The following ABI3BP variants were observed in gnomAD, a reference collection of about 807,000 sequenced individuals.
ABI3BP encodes ABI family member 3 binding protein.
In ABI3BP, 216 loss-of-function variants were observed where a neutral mutation model predicts 268.6. The observed-to-expected ratio is 0.80, with a 90% CI of 0.72 to 0.90. The LOEUF is 0.90. ABI3BP is among the 40% of genes least tolerant of loss of function. The pLI is 0.00. For synonymous variants in ABI3BP, 730 were observed against 730.0 expected, an observed-to-expected ratio of 1.00 and a Z score of 0.00; for missense variants, 2,090 against 2,182.4, an observed-to-expected ratio of 0.96 and a Z score of 0.84.
chr3:100,790,032 A>G (rs191894417), intron 55 of ABI3BP, among the ~76,000 whole-genome samples: 5 of 152,056 alleles, frequency 3.3e-5, no homozygotes, highest in African/African-American at 4.8e-5. Flanking sequence ...ACCTGAAACA[A>G]GTAAGTATTC....
intron 14 of ABI3BP, among the ~76,000 whole-genome samples, chr3:100,856,470 A>T (rs1361135242): frequency 1.3e-5 from 2 of 152,202 alleles, no homozygotes; most frequent in Non-Finnish European, 2.9e-5. Context: ...AAGTCTCTAC[A>T]AGATAACTGT....
At chr3:100,977,872 T>C (rs1024873416) in intron 1 of ABI3BP, among the ~76,000 whole-genome samples, 7 of 152,164 alleles carry the variant, frequency 4.6e-5, no homozygotes, top group South Asian at 4.1e-4. Context: ...ACATCTTAGT[T>C]ACAAAGTATG....
At position 100,826,127 on chromosome 3, in the gene ABI3BP, A is replaced by G. The variant is rs184062741; in HGVS notation, c.2603-283T>C. ...AACAGGACTGATGGACTCATATGAA[A>G]GAGAGACATGAGCTGCACACACAGA... On this transcript the variant is annotated intron_variant, in intron 34 of 67. Transcript: ENST00000471714. Among the ~76,000 whole-genome samples, 431 of 145,528 alleles carry G rather than the reference A, an allele frequency of 3.0e-3. 4 individuals are homozygous for G. The highest frequency in any genetic ancestry group is 9.9e-3 in the African/African-American group (407 of 41,202).
intron 6 of ABI3BP, among the ~76,000 whole-genome samples, chr3:100,884,738 G>GACAGC (rs2041083773): frequency 6.6e-6 from 1 of 151,046 alleles, no homozygotes; most frequent in Non-Finnish European, 1.5e-5. Context: ...AATATCTAGG[G>GACAGC]ACCAAATTCC....
At position 100,838,537 on chromosome 3, in the gene ABI3BP, G is replaced by A. The variant is rs1183222021; in HGVS notation, c.1946-73C>T. ...TGTCAAAATTAAGGACAATTATGCA[G>A]AACAAAGACACTATATAAATTCAAC... On this transcript the variant is annotated intron_variant, in intron 24 of 67. Coordinates refer to ENST00000471714, the MANE Select transcript of ABI3BP (RefSeq NM_001375547.2). The A allele has an allele frequency of 4.2e-6, 5 of 1,199,424 alleles. No homozygotes were observed. The East Asian group carries it at 1.3e-4, about 31-fold the overall frequency. The allele number at this position is 1,199,424 out of a possible 1,614,324, so 74.3% of individuals were successfully genotyped here.
chr3:100,985,434 C>T (rs982190979), intron 1 of ABI3BP, among the ~76,000 whole-genome samples: 2 of 152,176 alleles, frequency 1.3e-5, no homozygotes, highest in Non-Finnish European at 2.9e-5. Flanking sequence ...CAGGCATGAG[C>T]CACCATGCCT....
chr3:100,817,081 A>C (rs1007977052), intron 42 of ABI3BP, among the ~76,000 whole-genome samples: 13 of 152,168 alleles, frequency 8.5e-5, no homozygotes, highest in African/African-American at 2.7e-4. Context: ...ATACCATAAG[A>C]ACTGTTAGAG....
At chr3:100,786,986 G>T (rs1181505107) in intron 57 of ABI3BP, among the ~76,000 whole-genome samples, 1 of 151,962 alleles carries the variant, frequency 6.6e-6, no homozygotes. Flanking sequence ...GGGTTCATCA[G>T]ATATATATAC....
At chr3:100,761,051 C>T (rs1434689589) in intron 63 of ABI3BP, among the ~76,000 whole-genome samples, 1 of 152,094 alleles carries the variant, frequency 6.6e-6, no homozygotes, top group Non-Finnish European at 1.5e-5. Context: ...TCAGTGGACC[C>T]CAGTGTCTGC....
chr3:100,786,990 T>C (rs1056474991), intron 57 of ABI3BP, among the ~76,000 whole-genome samples: 1 of 152,152 alleles, frequency 6.6e-6, no homozygotes, highest in Non-Finnish European at 1.5e-5. Flanking sequence ...TCATCAGATA[T>C]ATATACATTA....
chr3:100,766,530 G>A (rs1475434658), intron 62 of ABI3BP, among the ~76,000 whole-genome samples: 1 of 152,140 alleles, frequency 6.6e-6, no homozygotes, highest in Non-Finnish European at 1.5e-5. Flanking sequence ...TGTACTCGCT[G>A]CCTACATAAG....
At chr3:100,949,145 T>C (rs879902589) in intron 1 of ABI3BP, among the ~76,000 whole-genome samples, 4 of 152,204 alleles carry the variant, frequency 2.6e-5, no homozygotes, top group Admixed American at 2.0e-4. Context: ...ACTACTGTCT[T>C]TCAATTAATT....
At position 100,816,099 on chromosome 3, in the gene ABI3BP, G is replaced by C. The variant is rs1024734682; in HGVS notation, c.3230-128C>G. 4 of 672,476 alleles carry C rather than the reference G, an allele frequency of 5.9e-6. No homozygotes were observed. In the African/African-American group the frequency reaches 7.3e-5, roughly 12 times the overall value. The allele number at this position is 672,476 out of a possible 1,614,324, so 41.7% of individuals were successfully genotyped here. On this transcript the variant is annotated intron_variant, in intron 43 of 67. Transcript: ENST00000471714. Reference sequence around the variant, plus strand: ...TTTAAAACTTTTGAATTGATAGGCAGCATATAGTTGCTTTTGGAAGATTTG... The same window carrying C: ...TTTAAAACTTTTGAATTGATAGGCACCATATAGTTGCTTTTGGAAGATTTG...
intron 4 of ABI3BP, among the ~76,000 whole-genome samples, chr3:100,892,887 G>A (rs1008118486): frequency 3.9e-5 from 6 of 152,190 alleles, no homozygotes; most frequent in African/African-American, 1.2e-4. Flanking sequence ...AGGAGAAAAG[G>A]AAAGGTGTGA....
chr3:100,764,937 T>C (rs540647797), intron 63 of ABI3BP, among the ~76,000 whole-genome samples: 1 of 152,304 alleles, frequency 6.6e-6, no homozygotes, highest in Non-Finnish European at 1.5e-5. Flanking sequence ...TTTTGCAGTA[T>C]CGGACTAGTT....
At chr3:100,909,743 G>A (rs974598295) in intron 2 of ABI3BP, among the ~76,000 whole-genome samples, 1 of 152,122 alleles carries the variant, frequency 6.6e-6, no homozygotes, top group Non-Finnish European at 1.5e-5. Flanking sequence ...CAGGTAGAAC[G>A]CCAATCATTA....
At chr3:100,869,399 A>T (rs1297976050) in intron 9 of ABI3BP, among the ~76,000 whole-genome samples, 1 of 128,622 alleles carries the variant, frequency 7.8e-6, no homozygotes, top group Non-Finnish European at 1.5e-5. Flanking sequence ...ATACAGTGAC[A>T]TGATAATAGT....
In ABI3BP at chr3:100,750,147, A is replaced by C. The variant is rs1406258592; in HGVS notation, c.*348T>G. ...CAATAAAAGTAAATTTTTTTTAAAA[A>C]GTATATACCTTTTTGATGTTAATTT... On this transcript the variant is annotated 3_prime_UTR_variant, in exon 68 of 68. Coordinates refer to ENST00000471714, the MANE Select transcript of ABI3BP (RefSeq NM_001375547.2). The C allele has an allele frequency of 4.7e-6, 1 of 214,852 alleles. No individual in the cohort carries two copies. The highest frequency in any genetic ancestry group is 9.1e-6 in the Non-Finnish European group (1 of 110,406). 13.3% of individuals were successfully genotyped at this position (214,852 alleles called of 1,614,324 possible). A position where few individuals can be genotyped will look rare whatever the true frequency, so the allele number is the denominator to read the frequency against.
At chr3:100,825,084 G>A (rs930550349) in intron 35 of ABI3BP, 143 bp from the exon 36 acceptor site, 5 of 687,408 alleles carry the variant, frequency 7.3e-6, no homozygotes, top group East Asian at 2.8e-5. Flanking sequence ...CTTTTATAAC[G>A]ATGCGTCATT....
Sources: gnomAD v4.1 joint callset for allele counts (sites outside exome capture counted in the v4.1 genomes callset) on GRCh38, gnomAD v4.1.1 for gene constraint, MANE v1.5 for transcripts, NCBI Gene and HGNC (gene_info 2026-07-23, HGNC 2026-07-21) for gene names.